LHX9: variants seen among roughly 807,000 people sequenced by gnomAD.
LHX9 encodes LIM homeobox 9, also known as LIM/homeobox protein Lhx9.
Under a neutral mutation model 36.5 loss-of-function variants are expected in LHX9, and 9 were observed. That is an observed-to-expected ratio of 0.25 (90% CI 0.15 to 0.43). LHX9 has a LOEUF of 0.43. Ranked by LOEUF, LHX9 falls within the 20% of genes least tolerant of loss-of-function variation. LHX9 has a pLI of 1.00. For missense variants in LHX9, 464 were observed against 526.4 expected, an observed-to-expected ratio of 0.88 and a Z score of 1.16; for synonymous variants, 211 against 212.1, an observed-to-expected ratio of 0.99 and a Z score of 0.04.
At position 197,929,078 on chromosome 1, in the gene LHX9, A is replaced by G. The variant is rs1241018608; in HGVS notation, c.1013A>G (p.Asp338Gly). Residue 338 changes from aspartate (D) to glycine (G), a missense_variant, in exon 5 of 5, where the codon GAC becomes GGC. Transcript: ENST00000367387. ...RQENGGVDKA[D>G]GTSLPAPPSA... Reference sequence around the variant, plus strand: ...GAGAATGGGGGTGTTGATAAAGCTGACGGCACGTCGCTTCCGGCCCCGCCC... The same window carrying G: ...GAGAATGGGGGTGTTGATAAAGCTGGCGGCACGTCGCTTCCGGCCCCGCCC... 1 of 1,613,642 alleles carries G rather than the reference A, an allele frequency of 6.2e-7. No homozygotes were observed. The highest frequency in any genetic ancestry group is 8.5e-7 in the Non-Finnish European group (1 of 1,179,890).
At chr1:197,912,718 TAC>T, upstream of LHX9, 1 of 785,444 alleles carries the variant, frequency 1.3e-6, no homozygotes, top group Non-Finnish European at 2.3e-6. Flanking sequence ...GGCTCAAAAA[TAC>T]ACATTCTCTT....
At chr1:197,916,610 G>C, upstream of LHX9, 1 of 702,138 alleles carries the variant, frequency 1.4e-6, no homozygotes. Flanking sequence ...GTGTGTACAG[G>C]TCCATGCCCT....
chr1:197,919,896 C>T, intron 1 of LHX9, 76 bp from the exon 2 acceptor site: 1 of 1,499,432 alleles, frequency 6.7e-7, no homozygotes, highest in South Asian at 1.2e-5. Flanking sequence ...TGGGCTTGGT[C>T]TGCCTGGGGG....
rs1406393295 is a variant in LHX9 at position 197,921,932 on chromosome 1, G to T, written c.733+273G>T. Among the ~76,000 whole-genome samples the T allele has an allele frequency of 6.6e-6, 1 of 152,060 alleles. No individual in the cohort carries two copies. Among genetic ancestry groups the T allele is most frequent in the Non-Finnish European group, 1.5e-5 (1 of 68,028 alleles). On this transcript the variant is annotated intron_variant, in intron 3 of 4. Transcript: ENST00000367387. This position sits in a 1 kb window ranked among gnomAD's most constrained non-coding sequence, Gnocchi z 4.6. ...CCCAAACAGGCAGAGCCAAATCCTTGTTGCCCATTAGTTAATGAGCCCATT... is the reference window on the plus strand; with the variant it reads ...CCCAAACAGGCAGAGCCAAATCCTTTTTGCCCATTAGTTAATGAGCCCATT...
At chr1:197,927,988 CT>C (rs775593580) in intron 4 of LHX9, among the ~76,000 whole-genome samples, 195 bp downstream of exon 4, 10 of 152,280 alleles carry the variant, frequency 6.6e-5, no homozygotes, top group South Asian at 4.1e-4. Context: ...GACCCAGGGT[CT>C]TTTTAAATAC....
intron 2 of LHX9, among the ~76,000 whole-genome samples, chr1:197,920,584 T>C (rs1659952496): frequency 6.6e-6 from 1 of 152,090 alleles, no homozygotes; most frequent in Non-Finnish European, 1.5e-5. Context: ...AACAGAGTGT[T>C]AGGTTTTCGT....
chr1:197,926,553 C>T (rs1660145753), intron 3 of LHX9, among the ~76,000 whole-genome samples: 2 of 152,236 alleles, frequency 1.3e-5, no homozygotes, highest in African/African-American at 2.4e-5. Context: ...TGTAGCTTTA[C>T]ATCCTGGGGA....
chr1:197,921,349 C>T lies in LHX9; in HGVS notation c.423C>T (p.Ser141=). 1.2e-6 allele frequency: 2 copies of T among 1,614,164 alleles called. No homozygotes were observed. Among genetic ancestry groups the T allele is most frequent in the South Asian group, 1.1e-5 (1 of 91,070 alleles). Residue 141 remains serine, a synonymous_variant, in exon 3 of 5, where the codon TCC becomes TCT. Transcript: ENST00000367387. The surrounding 1 kb of genome is among the most constrained non-coding windows in gnomAD (Gnocchi z 4.6). Reference sequence around the variant, plus strand: ...GTGCCCGCTGCCACCTTGGCATTTCCGCCTCGGAGATGGTCATGCGCGCCC... The same window carrying T: ...GTGCCCGCTGCCACCTTGGCATTTCTGCCTCGGAGATGGTCATGCGCGCCC... ...QRCARCHLGI[S]ASEMVMRARD...
chr1:197,933,153 A>G lies in LHX9; in HGVS notation c.*3894A>G, dbSNP rs1660368597. ...AGCCGTATATCCAAAGCATATGTTAAACAAACTAACATATACTTTCCAGAA... is the reference window on the plus strand; with the variant it reads ...AGCCGTATATCCAAAGCATATGTTAGACAAACTAACATATACTTTCCAGAA... On this transcript the variant is annotated 3_prime_UTR_variant, in exon 5 of 5. Transcript: ENST00000367387. 6.6e-6 allele frequency: 1 copy of G among 152,110 alleles called. No homozygotes were observed. The highest frequency in any genetic ancestry group is 6.6e-5 in the Admixed American group (1 of 15,258). The allele number at this position is 152,110 out of a possible 1,614,324, so 9.4% of individuals were successfully genotyped here.
chr1:197,932,051 T>C lies in LHX9; in HGVS notation c.*2792T>C. 9.9e-7 allele frequency: 1 copy of C among 1,014,106 alleles called. No individual in the cohort carries two copies. The highest frequency in any genetic ancestry group is 1.4e-6 in the Non-Finnish European group (1 of 701,624). 62.8% of individuals were successfully genotyped at this position (1,014,106 alleles called of 1,614,324 possible). On this transcript the variant is annotated 3_prime_UTR_variant, in exon 5 of 5. Coordinates refer to ENST00000367387, the MANE Select transcript of LHX9 (RefSeq NM_020204.3). ...CAAAGACACTATTAGGTTATGATAA[T>C]CATACATTAAAAAATTTATTAAGCC...
In LHX9 at chr1:197,920,022, G is replaced by A; in HGVS notation, c.225G>A (p.Gly75=). The A allele has an allele frequency of 6.2e-7, 1 of 1,614,242 alleles. No individual in the cohort carries two copies. The highest frequency in any genetic ancestry group is 8.5e-7 in the Non-Finnish European group (1 of 1,180,050). Residue 75 remains glycine, a synonymous_variant, in exon 2 of 5, where the codon GGG becomes GGA. Transcript: ENST00000367387. ...AGCCCGCCCTGTGCGCCGGCTGCGG[G>A]GGCAAGATCTCGGACAGGTACTATC... ...PEKPALCAGC[G]GKISDRYYLL...
At position 197,929,372 on chromosome 1, in the gene LHX9, T is replaced by C. The variant is rs1660260999; in HGVS notation, c.*113T>C. On this transcript the variant is annotated 3_prime_UTR_variant, in exon 5 of 5. Transcript: ENST00000367387. ...TTTTTTTCTTCTAACCCACAAGATATTTGGGGAATAAAAATAACAGCTTGG... is the reference window on the plus strand; with the variant it reads ...TTTTTTTCTTCTAACCCACAAGATACTTGGGGAATAAAAATAACAGCTTGG... 1.7e-6 allele frequency: 2 copies of C among 1,193,864 alleles called. No individual in the cohort carries two copies. Among genetic ancestry groups the C allele is most frequent in the African/African-American group, 1.6e-5 (1 of 63,538 alleles). The allele number at this position is 1,193,864 out of a possible 1,614,324, so 74.0% of individuals were successfully genotyped here.
Position 197,932,052 on chromosome 1 carries a change from C to G in LHX9, c.*2793C>G, listed in dbSNP as rs1453664674. On this transcript the variant is annotated 3_prime_UTR_variant, in exon 5 of 5. Coordinates refer to ENST00000367387, the MANE Select transcript of LHX9 (RefSeq NM_020204.3). ...AAAGACACTATTAGGTTATGATAAT[C>G]ATACATTAAAAAATTTATTAAGCCA... is the stretch of plus-strand genomic sequence containing the variant. 3.2e-6 allele frequency: 3 copies of G among 949,790 alleles called. No individual in the cohort carries two copies. The East Asian group carries it at 8.3e-5, about 26-fold the overall frequency. The allele number at this position is 949,790 out of a possible 1,614,324, so 58.8% of individuals were successfully genotyped here.
rs146659273 is a variant in LHX9, at chr1:197,921,436, G to C, written c.510G>C (p.Thr170=). The C allele has an allele frequency of 1.2e-6, 2 of 1,614,068 alleles. No individual in the cohort carries two copies. Among genetic ancestry groups the C allele is most frequent in the Admixed American group, 1.7e-5 (1 of 60,008 alleles). The change falls in exon 3 of 5, where the codon ACG becomes ACC. Residue 170 remains threonine, a synonymous_variant. Coordinates refer to ENST00000367387, the MANE Select transcript of LHX9 (RefSeq NM_020204.3). The surrounding 1 kb of genome is among the most constrained non-coding windows in gnomAD (Gnocchi z 4.6). ...TCSTCNKTLT[T]GDHFGMKDSL... is the part of the protein sequence containing the mutation. ...CCACTTGCAACAAGACTCTGACCAC[G>C]GGCGACCATTTCGGCATGAAGGACA... is the stretch of plus-strand genomic sequence containing the variant.
intron 3 of LHX9, among the ~76,000 whole-genome samples, chr1:197,923,474 A>C (rs1660051569): frequency 6.7e-6 from 1 of 148,644 alleles, no homozygotes; most frequent in African/African-American, 2.5e-5. Flanking sequence ...ATCTCAAGCC[A>C]CTCACCAAGG....
chr1:197,912,995 A>AT (rs1659661365), upstream of LHX9: 1 of 188,804 alleles, frequency 5.3e-6, no homozygotes, highest in Non-Finnish European at 1.1e-5. Flanking sequence ...CTTCACCCAC[A>AT]TTTTTTTGTT....
At chr1:197,913,818 C>T (rs1659679031), upstream of LHX9, among the ~76,000 whole-genome samples, 2 of 152,170 alleles carry the variant, frequency 1.3e-5, no homozygotes, top group South Asian at 4.1e-4. Context: ...AACTTAGAGG[C>T]GCAGAATCAT....
At chr1:197,916,524 C>A (rs1009401523), upstream of LHX9, 2 of 609,668 alleles carry the variant, frequency 3.3e-6, no homozygotes, top group African/African-American at 3.7e-5. Context: ...ACATTAGAAT[C>A]TCCGGCAACC....
rs1190260319 is a variant in LHX9 at position 197,930,547 on chromosome 1, C to CT, written c.*1290dup. On this transcript the variant is annotated 3_prime_UTR_variant, in exon 5 of 5. Transcript: ENST00000367387. ...ATAAAAAAGAAGTCAAGATATATGT[C>CT]TTGCTTTAGTGGATTGTTAAGAATA... is the stretch of plus-strand genomic sequence containing the variant. 1 of 151,952 alleles carries CT rather than the reference C, an allele frequency of 6.6e-6. No individual in the cohort carries two copies. The highest frequency in any genetic ancestry group is 1.5e-5 in the Non-Finnish European group (1 of 67,886). The allele number at this position is 151,952 out of a possible 1,614,324, so 9.4% of individuals were successfully genotyped here.
Sources: allele counts gnomAD v4.1 joint callset (sites outside exome capture counted in the v4.1 genomes callset), GRCh38; gene constraint gnomAD v4.1.1; non-coding constraint Gnocchi (gnomAD v3.1); transcripts MANE v1.5; gene names NCBI Gene and HGNC (gene_info 2026-07-23, HGNC 2026-07-21).